LDLRAD4: variants seen among roughly 807,000 people sequenced by gnomAD.
LDLRAD4 encodes low density lipoprotein receptor class A domain containing 4, also known as low-density lipoprotein receptor class A domain-containing protein 4.
In LDLRAD4, 5 loss-of-function variants were observed where a neutral mutation model predicts 17.0. The observed-to-expected ratio is 0.29, with a 90% CI of 0.15 to 0.62. The LOEUF (loss-of-function observed/expected upper bound fraction) is 0.62. LDLRAD4 is among the 20% of genes least tolerant of loss of function. The probability of loss-of-function intolerance (pLI) is 0.84; values close to 1 mark genes in which losing one functional copy is unlikely to be tolerated. For missense variants in LDLRAD4, 340 were observed against 424.7 expected (o/e 0.80, Z 1.75); for synonymous variants, 168 against 171.8 (o/e 0.98, Z 0.17).
At chr18:13,384,935 C>T (rs910189926) in intron 1 of LDLRAD4, among the ~76,000 whole-genome samples, 3 of 152,224 alleles carry the variant, frequency 2.0e-5, no homozygotes, top group Admixed American at 6.5e-5. Flanking sequence ...TGAATAGTGC[C>T]GAAATGAACA....
At chr18:13,545,113 G>A (rs1480193603) in intron 3 of LDLRAD4, among the ~76,000 whole-genome samples, 1 of 152,094 alleles carries the variant, frequency 6.6e-6, no homozygotes, top group Non-Finnish European at 1.5e-5. Context: ...AGAGTGGGGT[G>A]GTGTTAGTGG....
At chr18:13,324,536 G>A (rs993290899) in intron 1 of LDLRAD4, among the ~76,000 whole-genome samples, 3 of 152,180 alleles carry the variant, frequency 2.0e-5, no homozygotes, top group Non-Finnish European at 4.4e-5. Flanking sequence ...GCAGAACGGG[G>A]AAGAGGGAGA....
intron 3 of LDLRAD4, chr18:13,471,746 G>A (rs1364395200): frequency 2.6e-5 from 4 of 152,412 alleles, no homozygotes; most frequent in South Asian, 2.1e-4. Context: ...TACCTGGGAT[G>A]GCCCCGTGGC....
chr18:13,375,133 C>T (rs1480554423), intron 1 of LDLRAD4, among the ~76,000 whole-genome samples: 1 of 152,228 alleles, frequency 6.6e-6, no homozygotes, highest in Non-Finnish European at 1.5e-5. Context: ...ATGGCAGCCT[C>T]TGTGCTCACT....
intron 1 of LDLRAD4, among the ~76,000 whole-genome samples, chr18:13,244,347 C>T (rs1475169850): frequency 6.6e-6 from 1 of 151,780 alleles, no homozygotes; most frequent in Non-Finnish European, 1.5e-5. Flanking sequence ...ATCCACCTAC[C>T]CACCCATCCA....
intron 3 of LDLRAD4, among the ~76,000 whole-genome samples, chr18:13,459,442 G>A (rs898775534): frequency 2.0e-5 from 3 of 151,414 alleles, no homozygotes; most frequent in Non-Finnish European, 4.4e-5. Context: ...GGAGTGCAGT[G>A]TGTGATCTCA....
intron 2 of LDLRAD4, among the ~76,000 whole-genome samples, chr18:13,402,168 C>T (rs903680947): frequency 2.0e-5 from 3 of 152,334 alleles, no homozygotes; most frequent in South Asian, 2.1e-4. Flanking sequence ...TCTTTTCCAA[C>T]AGATCCTTCA....
intron 1 of LDLRAD4, among the ~76,000 whole-genome samples, chr18:13,314,777 G>A (rs748160039): frequency 1.1e-4 from 17 of 152,224 alleles, no homozygotes; most frequent in Non-Finnish European, 1.3e-4. Context: ...GTAAGAGACC[G>A]AGATCCTGGG....
chr18:13,353,405 A>G (rs939553214), intron 1 of LDLRAD4, among the ~76,000 whole-genome samples: 3 of 152,158 alleles, frequency 2.0e-5, no homozygotes, highest in Non-Finnish European at 4.4e-5. Context: ...TTCAATTCCC[A>G]AGTATAGATG....
intron 2 of LDLRAD4, among the ~76,000 whole-genome samples, chr18:13,408,827 CT>C (rs1046860493): frequency 6.6e-6 from 1 of 151,964 alleles, no homozygotes; most frequent in Non-Finnish European, 1.5e-5. Flanking sequence ...CCCGTAGCTC[CT>C]TTTTTTTCTT....
rs548439174 is a variant in LDLRAD4, at chr18:13,550,613, C to T, written c.182-70504C>T. 2.0e-5 allele frequency among the ~76,000 whole-genome samples: 3 copies of T among 152,326 alleles called. No individual in the cohort carries two copies. The East Asian group carries it at 5.8e-4, about 29-fold the overall frequency. ...GCTGGCGATGTTGATGCCATCAAGA[C>T]GATGAGTCCCGCCGAGCAGCCTTCC... On this transcript the variant is annotated intron_variant, in intron 3 of 5. Coordinates refer to ENST00000359446, the Ensembl canonical transcript of LDLRAD4.
chr18:13,480,573 G>A (rs1011585857), intron 3 of LDLRAD4, among the ~76,000 whole-genome samples: 1 of 152,156 alleles, frequency 6.6e-6, no homozygotes, highest in Admixed American at 6.5e-5. Context: ...TGATGAAGGA[G>A]TGGTGGTGTC....
At chr18:13,438,367 C>T (rs1226697598) in exon 3 of LDLRAD4, 2 of 1,614,032 alleles carry the variant, frequency 1.2e-6, no homozygotes, top group Non-Finnish European at 8.5e-7. Flanking sequence ...GAGCACCCGC[C>T]TCCGGGCATC....
At chr18:13,459,371 G>GTTTT (rs71366053) in intron 3 of LDLRAD4, among the ~76,000 whole-genome samples, 40 of 148,162 alleles carry the variant, frequency 2.7e-4, no homozygotes, top group East Asian at 5.9e-4. Flanking sequence ...AACATTTGGT[G>GTTTT]TTTTTTTTTT....
At chr18:13,345,361 T>A (rs1004773657) in intron 1 of LDLRAD4, among the ~76,000 whole-genome samples, 1 of 152,232 alleles carries the variant, frequency 6.6e-6, no homozygotes, top group Non-Finnish European at 1.5e-5. Context: ...TGTCATTGGT[T>A]CTGTTTATAT....
chr18:13,327,453 A>G (rs183560675), intron 1 of LDLRAD4, among the ~76,000 whole-genome samples: 2 of 152,308 alleles, frequency 1.3e-5, no homozygotes, highest in Admixed American at 1.3e-4. Flanking sequence ...TGCCATCAGA[A>G]TAGCAAGAGG....
chr18:13,245,513 A>G (rs182031788), intron 1 of LDLRAD4, among the ~76,000 whole-genome samples: 1 of 152,366 alleles, frequency 6.6e-6, no homozygotes, highest in East Asian at 1.9e-4. Flanking sequence ...AGGATCGGGT[A>G]GATTAAGTGC....
intron 1 of LDLRAD4, among the ~76,000 whole-genome samples, chr18:13,325,663 C>T (rs1309507396): frequency 6.6e-6 from 1 of 152,264 alleles, no homozygotes; most frequent in African/African-American, 2.4e-5. Context: ...CTCAGCTTCG[C>T]TGCGCACCCG....
At chr18:13,248,083 C>A (rs1412192610) in intron 1 of LDLRAD4, among the ~76,000 whole-genome samples, 3 of 151,920 alleles carry the variant, frequency 2.0e-5, no homozygotes, top group African/African-American at 4.8e-5. Context: ...GCCTCAGCCT[C>A]CTGAGTAGCT....
Sources: gnomAD v4.1 joint callset for allele counts (sites outside exome capture counted in the v4.1 genomes callset) on GRCh38, gnomAD v4.1.1 for gene constraint, MANE v1.5 for transcripts, NCBI Gene and HGNC (gene_info 2026-07-23, HGNC 2026-07-21) for gene names.